CDH13: variants seen among roughly 807,000 people sequenced by gnomAD.
CDH13 encodes the protein cadherin 13.
A neutral mutation model predicts 63.8 loss-of-function variants in CDH13; 24 were observed. The observed-to-expected ratio is 0.38, with a 90% CI of 0.27 to 0.53. The LOEUF (loss-of-function observed/expected upper bound fraction) is 0.53, where lower values mean the gene tolerates loss of function less well. Among genes scored for constraint, CDH13 ranks in the 20% least tolerant of loss-of-function variants. The pLI is 0.85. For missense variants in CDH13, 1,049 were observed against 903.1 expected, an observed-to-expected ratio of 1.16 and a Z score of -2.07; for synonymous variants, 503 against 355.3, an observed-to-expected ratio of 1.42 and a Z score of -4.67.
chr16:82,650,662 A>T (rs1248562812), intron 1 of CDH13, among the ~76,000 whole-genome samples: 1 of 152,038 alleles, frequency 6.6e-6, no homozygotes, highest in African/African-American at 2.4e-5. Context: ...CTACCTCTCT[A>T]GCCTTGGTTT....
chr16:83,000,223 A>ATTATTAT (rs1912728584), intron 2 of CDH13, among the ~76,000 whole-genome samples: 2 of 36,986 alleles, frequency 5.4e-5, no homozygotes, highest in African/African-American at 1.6e-4. Context: ...GGTTTAGCTT[A>ATTATTAT]TTTTTTTTTT....
intron 5 of CDH13, among the ~76,000 whole-genome samples, chr16:83,342,843 G>GTTTTTTTTTTTTTTTTTTTTT (rs778316746): frequency 2.1e-4 from 14 of 65,316 alleles, no homozygotes; most frequent in African/African-American, 5.1e-4. Context: ...TTTTGTTTCT[G>GTTTTTTTTTTTTTTTTTTTTT]TTTTTTTTTT....
chr16:82,917,299 G>C (rs774012811), intron 2 of CDH13, among the ~76,000 whole-genome samples: 4 of 152,134 alleles, frequency 2.6e-5, no homozygotes, highest in Non-Finnish European at 4.4e-5. Context: ...GAACGCTCAG[G>C]GTTACGTCAG....
intron 4 of CDH13, among the ~76,000 whole-genome samples, chr16:83,213,869 C>G (rs2039412244): frequency 6.6e-6 from 1 of 151,974 alleles, no homozygotes; most frequent in African/African-American, 2.4e-5. Flanking sequence ...CCAATCAGTG[C>G]TCTGTAGCTA....
intron 2 of CDH13, among the ~76,000 whole-genome samples, chr16:82,911,582 C>G (rs1012487112): frequency 6.6e-6 from 1 of 152,112 alleles, no homozygotes; most frequent in Non-Finnish European, 1.5e-5. Context: ...GCCTATCCTG[C>G]AGGATAATTG....
intron 3 of CDH13, among the ~76,000 whole-genome samples, chr16:83,083,502 A>C (rs911246282): frequency 6.6e-6 from 1 of 152,354 alleles, no homozygotes; most frequent in Admixed American, 6.5e-5. Flanking sequence ...AGATTTGGAG[A>C]GATTACTGAC....
intron 2 of CDH13, among the ~76,000 whole-genome samples, chr16:82,974,558 G>C (rs1213976641): frequency 6.6e-6 from 1 of 152,128 alleles, no homozygotes; most frequent in East Asian, 1.9e-4. Context: ...ATGTGACCTT[G>C]GGTGGCAAAA....
rs114893769 is a variant in CDH13, at chr16:83,366,377, C to T, written c.781+21371C>T. On this transcript the variant is annotated intron_variant, in intron 6 of 13. Transcript: ENST00000567109. ...ATGCGTGCGATGCCACTCATTACCA[C>T]GAACCGTCTTTTGAGGAGGTTGCGC... 1.2e-3 allele frequency among the ~76,000 whole-genome samples: 182 copies of T among 152,308 alleles called. 1 individual carries two copies. Among genetic ancestry groups the T allele is most frequent in the African/African-American group, 4.1e-3 (169 of 41,562 alleles).
At chr16:83,320,158 A>C (rs2090189615) in intron 5 of CDH13, among the ~76,000 whole-genome samples, 1 of 151,518 alleles carries the variant, frequency 6.6e-6, no homozygotes, top group East Asian at 1.9e-4. Context: ...TTGCATCTCA[A>C]CCTCACGAGT....
chr16:83,272,851 C>G (rs550709646), intron 5 of CDH13, among the ~76,000 whole-genome samples: 7 of 152,174 alleles, frequency 4.6e-5, no homozygotes, highest in Non-Finnish European at 8.8e-5. Context: ...CTGTGCAGAT[C>G]AGTCAGCCCT....
intron 1 of CDH13, among the ~76,000 whole-genome samples, chr16:82,757,895 C>T (rs949234748): frequency 2.5e-4 from 38 of 152,072 alleles, no homozygotes; most frequent in Non-Finnish European, 4.0e-4. Flanking sequence ...GTGATCCGCC[C>T]GCCTCGGCCT....
chr16:83,344,471 G>T (rs751356408), intron 5 of CDH13, among the ~76,000 whole-genome samples: 22 of 152,178 alleles, frequency 1.4e-4, no homozygotes, highest in Non-Finnish European at 2.4e-4. Context: ...TAATGTACTT[G>T]GTTCATAACT....
At chr16:83,745,728 A>T (rs1440553714) in intron 10 of CDH13, among the ~76,000 whole-genome samples, 1 of 152,176 alleles carries the variant, frequency 6.6e-6, no homozygotes, top group African/African-American at 2.4e-5. Context: ...ATGACCTTTA[A>T]GTCATGGACA....
intron 2 of CDH13, among the ~76,000 whole-genome samples, chr16:82,960,967 C>G (rs535095794): frequency 9.9e-5 from 15 of 152,190 alleles, no homozygotes; most frequent in Admixed American, 9.2e-4. Flanking sequence ...ATAGTTTTTT[C>G]ATTGCTGGAA....
At chr16:83,273,326 C>A (rs1444609980) in intron 5 of CDH13, among the ~76,000 whole-genome samples, 9 of 151,938 alleles carry the variant, frequency 5.9e-5, no homozygotes, top group Non-Finnish European at 1.3e-4. Context: ...TCAATCCTCT[C>A]CCACCCCCAA....
chr16:83,567,920 T>C (rs987803236), intron 7 of CDH13, among the ~76,000 whole-genome samples: 16 of 152,132 alleles, frequency 1.1e-4, no homozygotes, highest in African/African-American at 3.4e-4. Flanking sequence ...ACCCTGTAAA[T>C]TCTGTTGCCT....
At chr16:83,324,392 A>T (rs2090312038) in intron 5 of CDH13, among the ~76,000 whole-genome samples, 1 of 152,194 alleles carries the variant, frequency 6.6e-6, no homozygotes, top group Non-Finnish European at 1.5e-5. Flanking sequence ...TCACTCTTGG[A>T]AGTAGCATCC....
intron 2 of CDH13, among the ~76,000 whole-genome samples, chr16:82,943,086 A>G (rs1335656596): frequency 6.6e-6 from 1 of 152,218 alleles, no homozygotes; most frequent in African/African-American, 2.4e-5. Context: ...ATGGTGCATG[A>G]CTAATTGCAC....
At chr16:83,315,667 ATTTTTAATT>A (rs1031139461) in intron 5 of CDH13, among the ~76,000 whole-genome samples, 3 of 151,928 alleles carry the variant, frequency 2.0e-5, no homozygotes, top group African/African-American at 7.3e-5. Flanking sequence ...CTCTAAGAAA[ATTTTTAATT>A]TTTTTAGTGT....
Sources: gnomAD v4.1 joint callset for allele counts (sites outside exome capture counted in the v4.1 genomes callset) on GRCh38, gnomAD v4.1.1 for gene constraint, MANE v1.5 for transcripts, NCBI Gene and HGNC (gene_info 2026-07-23, HGNC 2026-07-21) for gene names.